Variants in FSTL5 observed in about 807,000 individuals in gnomAD.
FSTL5 encodes the protein follistatin-related protein 5.
In FSTL5, 62 loss-of-function variants were observed where a neutral mutation model predicts 89.1. The observed-to-expected ratio is 0.70, with a 90% confidence interval of 0.57 to 0.86. The LOEUF (loss-of-function observed/expected upper bound fraction) is 0.86. Ranked by LOEUF, FSTL5 falls within the 40% of genes least tolerant of loss-of-function variation. FSTL5 has a pLI of 0.00. For missense variants in FSTL5, 1,057 were observed against 1,001.6 expected (o/e 1.06, Z -0.75); for synonymous variants, 383 against 346.2 (o/e 1.11, Z -1.18).
intron 2 of FSTL5, among the ~76,000 whole-genome samples, chr4:162,073,907 T>C (rs924078259): frequency 2.0e-5 from 3 of 151,800 alleles, no homozygotes; most frequent in Non-Finnish European, 4.4e-5. Flanking sequence ...GTAAATTAAA[T>C]ATGGTGCATT....
intron 7 of FSTL5, among the ~76,000 whole-genome samples, chr4:161,648,034 G>A (rs1158570572): frequency 6.6e-6 from 1 of 151,978 alleles, no homozygotes; most frequent in Non-Finnish European, 1.5e-5. Context: ...CCGACTCCAG[G>A]GGAAAGCCAT....
At chr4:161,999,604 T>C (rs1736403279) in intron 3 of FSTL5, among the ~76,000 whole-genome samples, 1 of 152,220 alleles carries the variant, frequency 6.6e-6, no homozygotes, top group African/African-American at 2.4e-5. Context: ...AAAAGTCTTC[T>C]GGAAAATCAC....
rs181836296 is a variant in FSTL5 at position 161,541,744 on chromosome 4, T to C, written c.1177+788A>G. Among the ~76,000 whole-genome samples, 184 of 152,074 alleles carry C rather than the reference T, an allele frequency of 1.2e-3. 1 individual carries two copies. Among genetic ancestry groups the C allele is most frequent in the African/African-American group, 4.3e-3 (179 of 41,548 alleles). ...TTTAATAATATAAAGAAAATTAAAG[T>C]CATAAAATAAGAACTATAATGCCCA... On this transcript the variant is annotated intron_variant, in intron 9 of 15. Coordinates refer to ENST00000306100, the MANE Select transcript of FSTL5 (RefSeq NM_020116.5).
intron 3 of FSTL5, among the ~76,000 whole-genome samples, chr4:162,013,133 G>A (rs1028571219): frequency 4.0e-5 from 6 of 151,252 alleles, no homozygotes; most frequent in Non-Finnish European, 4.4e-5. Flanking sequence ...GTAATGAGCC[G>A]AGATCTTGCA....
intron 11 of FSTL5, among the ~76,000 whole-genome samples, chr4:161,508,594 T>A (rs981298061): frequency 1.3e-5 from 2 of 152,202 alleles, no homozygotes. Context: ...TCTGGATTTA[T>A]ATAATGAATT....
chr4:162,002,026 G>C (rs1181606351), intron 3 of FSTL5, among the ~76,000 whole-genome samples: 1 of 151,802 alleles, frequency 6.6e-6, no homozygotes, highest in Non-Finnish European at 1.5e-5. Context: ...TGTTTGGTTA[G>C]TTGAGTTAAA....
intron 6 of FSTL5, among the ~76,000 whole-genome samples, chr4:161,709,436 T>TA (rs1370655457): frequency 1.3e-5 from 2 of 152,128 alleles, no homozygotes; most frequent in Non-Finnish European, 2.9e-5. Flanking sequence ...TCAGAAGAGG[T>TA]AAAAAATCAA....
intron 4 of FSTL5, among the ~76,000 whole-genome samples, chr4:161,918,667 C>CG (rs1733904930): frequency 6.6e-6 from 1 of 150,952 alleles, no homozygotes. Flanking sequence ...TTTTTTGAGA[C>CG]GGGGTCTCGC....
At chr4:161,817,920 G>A (rs567367990) in intron 4 of FSTL5, among the ~76,000 whole-genome samples, 1 of 152,238 alleles carries the variant, frequency 6.6e-6, no homozygotes, top group East Asian at 1.9e-4. Flanking sequence ...AAAGGGAAGT[G>A]CTGAGTAAGG....
chr4:161,818,774 GA>G (rs1363833735), intron 4 of FSTL5, among the ~76,000 whole-genome samples: 6 of 151,942 alleles, frequency 3.9e-5, no homozygotes, highest in Non-Finnish European at 8.8e-5. Flanking sequence ...CTTCCATACT[GA>G]AAAAAACCTC....
chr4:162,054,577 GAAAAC>G (rs1182002802), intron 2 of FSTL5, among the ~76,000 whole-genome samples: 1 of 151,794 alleles, frequency 6.6e-6, no homozygotes, highest in Non-Finnish European at 1.5e-5. Flanking sequence ...GTAAAAAAAT[GAAAAC>G]AAGAGGCTTA....
At chr4:161,667,628 T>C (rs924329307) in intron 6 of FSTL5, among the ~76,000 whole-genome samples, 1 of 152,106 alleles carries the variant, frequency 6.6e-6, no homozygotes, top group African/African-American at 2.4e-5. Flanking sequence ...TGAATACATA[T>C]CATTTGCTAA....
chr4:161,554,653 T>G (rs1170454001), intron 8 of FSTL5, among the ~76,000 whole-genome samples: 2 of 151,666 alleles, frequency 1.3e-5, no homozygotes, highest in Non-Finnish European at 3.0e-5. Context: ...CACTGACTAT[T>G]TTTTCCTTTT....
At chr4:161,466,253 A>T (rs1733744132) in intron 13 of FSTL5, among the ~76,000 whole-genome samples, 1 of 152,216 alleles carries the variant, frequency 6.6e-6, no homozygotes, top group African/African-American at 2.4e-5. Flanking sequence ...ATCCCAACAT[A>T]CACAGTATTA....
rs532677151 is a variant in FSTL5, at chr4:161,794,216, T to G, written c.410-18142A>C. Among the ~76,000 whole-genome samples, 20 of 152,278 alleles carry G rather than the reference T, an allele frequency of 1.3e-4. No homozygotes were observed. The South Asian group carries it at 3.9e-3, about 30-fold the overall frequency. On this transcript the variant is annotated intron_variant, in intron 4 of 15. Coordinates refer to ENST00000306100, the MANE Select transcript of FSTL5 (RefSeq NM_020116.5). Reference sequence around the variant, plus strand: ...ATTTAATTAATCTGTGGGTGGGGCCTGGGCATCAGTATTTTTTCAAAGCAT... The same window carrying G: ...ATTTAATTAATCTGTGGGTGGGGCCGGGGCATCAGTATTTTTTCAAAGCAT...
chr4:161,768,713 C>T (rs556599735), intron 5 of FSTL5, among the ~76,000 whole-genome samples: 9 of 151,432 alleles, frequency 5.9e-5, no homozygotes, highest in South Asian at 2.1e-4. Context: ...GAAGCAACAG[C>T]GCCTACATCA....
At chr4:162,116,219 G>A (rs149203339) in intron 1 of FSTL5, among the ~76,000 whole-genome samples, 63 of 152,294 alleles carry the variant, frequency 4.1e-4, no homozygotes, top group Non-Finnish European at 7.6e-4. Flanking sequence ...CGTAGAGCAG[G>A]CTGCTCAAAG....
intron 7 of FSTL5, among the ~76,000 whole-genome samples, chr4:161,634,932 T>C (rs1735635555): frequency 6.6e-6 from 1 of 152,234 alleles, no homozygotes; most frequent in Non-Finnish European, 1.5e-5. Context: ...CTTAATTAGC[T>C]TGATTGTGGT....
chr4:161,629,230 C>A (rs1452541459), intron 7 of FSTL5, among the ~76,000 whole-genome samples: 1 of 152,194 alleles, frequency 6.6e-6, no homozygotes, highest in East Asian at 1.9e-4. Flanking sequence ...ACTCTAACTC[C>A]AGCTCTGTTT....
Sources: allele counts gnomAD v4.1 joint callset (sites outside exome capture counted in the v4.1 genomes callset), GRCh38; gene constraint gnomAD v4.1.1; transcripts MANE v1.5; gene names NCBI Gene and HGNC (gene_info 2026-07-23, HGNC 2026-07-21).